Variants in ITGBL1 observed in about 807,000 individuals in gnomAD.
ITGBL1 encodes integrin beta-like protein 1.
Under a neutral mutation model 68.5 loss-of-function variants are expected in ITGBL1, and 51 were observed. That is an observed-to-expected ratio of 0.74 (90% confidence interval 0.59 to 0.94). ITGBL1 has a LOEUF of 0.94. Ranked by LOEUF, ITGBL1 falls within the 40% of genes least tolerant of loss-of-function variation. The pLI is 0.00. For missense variants in ITGBL1, 649 were observed against 647.4 expected, an observed-to-expected ratio of 1.00 and a Z score of -0.03; for synonymous variants, 209 against 227.3, an observed-to-expected ratio of 0.92 and a Z score of 0.72.
chr13:101,707,818 A>G (rs995450399), intron 9 of ITGBL1, among the ~76,000 whole-genome samples: 2 of 149,410 alleles, frequency 1.3e-5, no homozygotes, highest in African/African-American at 5.0e-5. Context: ...ACACCACTGC[A>G]CTCCAGCCTG....
intron 7 of ITGBL1, among the ~76,000 whole-genome samples, chr13:101,644,881 A>G (rs2032509151): frequency 6.6e-6 from 1 of 152,222 alleles, no homozygotes; most frequent in East Asian, 1.9e-4. Context: ...ATACCTTAAG[A>G]ACTAGATTCT....
At chr13:101,624,087 T>A (rs1027372403) in intron 7 of ITGBL1, among the ~76,000 whole-genome samples, 1 of 152,188 alleles carries the variant, frequency 6.6e-6, no homozygotes, top group Non-Finnish European at 1.5e-5. Flanking sequence ...TATGCTTAGA[T>A]GTTTACTAGG....
chr13:101,686,839 A>G (rs1296291502), intron 7 of ITGBL1, among the ~76,000 whole-genome samples: 4 of 152,168 alleles, frequency 2.6e-5, no homozygotes, highest in Non-Finnish European at 4.4e-5. Flanking sequence ...AAAATATTCA[A>G]TACACAAAAT....
intron 7 of ITGBL1, among the ~76,000 whole-genome samples, chr13:101,607,273 A>C (rs1308569471): frequency 6.6e-6 from 1 of 152,092 alleles, no homozygotes; most frequent in Non-Finnish European, 1.5e-5. Context: ...GCCATTTTAC[A>C]TAATTGCAAT....
intron 5 of ITGBL1, among the ~76,000 whole-genome samples, chr13:101,580,263 C>T (rs1034773853): frequency 1.3e-5 from 2 of 152,026 alleles, no homozygotes; most frequent in Non-Finnish European, 2.9e-5. Context: ...AATGCTAATA[C>T]AGAAATCGTA....
rs143085302 is a variant in ITGBL1, at chr13:101,543,091, C to A, written c.317-24608C>A. Reference sequence around the variant, plus strand: ...TAATATTGTTATGTGTGAATTTGATCCTGTCATTATGATTTTAGCTGGTTA... The same window carrying A: ...TAATATTGTTATGTGTGAATTTGATACTGTCATTATGATTTTAGCTGGTTA... On this transcript the variant is annotated intron_variant, in intron 2 of 10. Coordinates refer to ENST00000376180, the MANE Select transcript of ITGBL1 (RefSeq NM_004791.3). 8.9e-3 allele frequency among the ~76,000 whole-genome samples: 1,359 copies of A among 152,246 alleles called. 19 individuals are homozygous for A. The highest frequency in any genetic ancestry group is 0.031 in the African/African-American group (1,286 of 41,536).
intron 7 of ITGBL1, among the ~76,000 whole-genome samples, chr13:101,682,767 A>G (rs2033673504): frequency 6.6e-6 from 1 of 151,862 alleles, no homozygotes; most frequent in African/African-American, 2.4e-5. Flanking sequence ...TTTATATTTT[A>G]GTCTTAGGTT....
At chr13:101,655,769 C>T (rs917864922) in intron 7 of ITGBL1, among the ~76,000 whole-genome samples, 4 of 152,210 alleles carry the variant, frequency 2.6e-5, no homozygotes, top group East Asian at 1.9e-4. Flanking sequence ...GATCTTATGA[C>T]GCTGGCCATT....
At chr13:101,641,123 G>A (rs759316348) in intron 7 of ITGBL1, among the ~76,000 whole-genome samples, 1 of 152,010 alleles carries the variant, frequency 6.6e-6, no homozygotes, top group Non-Finnish European at 1.5e-5. Context: ...TCTCAATTAG[G>A]ATGCAAACAT....
At chr13:101,515,157 A>G (rs965785665) in intron 2 of ITGBL1, among the ~76,000 whole-genome samples, 7 of 152,264 alleles carry the variant, frequency 4.6e-5, no homozygotes, top group African/African-American at 1.7e-4. Flanking sequence ...AGGTTATGAT[A>G]AGACTTATAA....
rs187588770 is a variant in ITGBL1 at position 101,576,794 on chromosome 13, C to A, written c.586+1248C>A. 9.3e-4 allele frequency among the ~76,000 whole-genome samples: 141 copies of A among 152,216 alleles called. 1 individual carries two copies. The highest frequency in any genetic ancestry group is 1.8e-3 in the Admixed American group (28 of 15,282). ...GGATAAAACAAACAAACACAAAAAC[C>A]TTATTTTCATTTTTCCGAGCCAATG... On this transcript the variant is annotated intron_variant, in intron 4 of 10. Transcript: ENST00000376180.
At chr13:101,714,255 C>T (rs2034612851) in intron 9 of ITGBL1, 183 bp from the exon 10 acceptor site, 1 of 592,916 alleles carries the variant, frequency 1.7e-6, no homozygotes, top group South Asian at 2.1e-5. Context: ...GAAGGCTTTC[C>T]TGGGTGACCT....
Position 101,714,424 on chromosome 13 carries a change from C to T in ITGBL1, c.1280-14C>T, listed in dbSNP as rs1566804876. ...TTATAAGGTGATGGTGAGTAATAGC[C>T]TTTGTAATTTCAGGTTCTTGTCATT... On this transcript the variant is annotated splice_polypyrimidine_tract_variant and intron_variant, in intron 9 of 10. Transcript: ENST00000376180. The T allele has an allele frequency of 1.4e-6, 2 of 1,455,704 alleles. No individual in the cohort carries two copies. The highest frequency in any genetic ancestry group is 1.9e-6 in the Non-Finnish European group (2 of 1,036,558). 90.2% of individuals were successfully genotyped at this position (1,455,704 alleles called of 1,614,324 possible).
At chr13:101,486,041 G>A (rs1052171678) in intron 2 of ITGBL1, among the ~76,000 whole-genome samples, 5 of 152,022 alleles carry the variant, frequency 3.3e-5, no homozygotes, top group African/African-American at 7.2e-5. Context: ...AAAGATAAAC[G>A]CACACATGTG....
intron 2 of ITGBL1, among the ~76,000 whole-genome samples, chr13:101,566,861 G>A (rs1240710687): frequency 1.3e-5 from 2 of 152,118 alleles, no homozygotes; most frequent in African/African-American, 2.4e-5. Context: ...ACGTCTATAG[G>A]TCATAGACTT....
intron 4 of ITGBL1, among the ~76,000 whole-genome samples, chr13:101,578,173 G>A (rs535326535): frequency 1.3e-5 from 2 of 152,200 alleles, no homozygotes; most frequent in African/African-American, 4.8e-5. Context: ...TGCTTCTTAT[G>A]TGAGTTTTAC....
At chr13:101,539,521 T>C (rs1271334610) in intron 2 of ITGBL1, among the ~76,000 whole-genome samples, 1 of 152,112 alleles carries the variant, frequency 6.6e-6, no homozygotes. Context: ...TAGGTGTGCA[T>C]GTGTCTTTAT....
intron 2 of ITGBL1, among the ~76,000 whole-genome samples, chr13:101,464,617 C>G (rs992568653): frequency 8.6e-5 from 13 of 151,642 alleles, no homozygotes; most frequent in African/African-American, 3.2e-4. Context: ...ATATTTTACC[C>G]ATTTATATTT....
At chr13:101,595,536 GCAAATGA>G (rs1235817298) in intron 6 of ITGBL1, among the ~76,000 whole-genome samples, 2 of 152,004 alleles carry the variant, frequency 1.3e-5, no homozygotes, top group Non-Finnish European at 2.9e-5. Flanking sequence ...AAAAAAATGG[GCAAATGA>G]CCTGAATAGA....
Sources: allele counts gnomAD v4.1 joint callset (sites outside exome capture counted in the v4.1 genomes callset), GRCh38; gene constraint gnomAD v4.1.1; transcripts MANE v1.5; gene names NCBI Gene and HGNC (gene_info 2026-07-23, HGNC 2026-07-21).